Variants in EXOC4 observed in about 807,000 individuals in gnomAD.
The protein encoded by EXOC4 is exocyst complex component 4.
In EXOC4, 71 loss-of-function variants were observed where a neutral mutation model predicts 107.2. The observed-to-expected ratio is 0.66, with a 90% CI of 0.55 to 0.81. The LOEUF (loss-of-function observed/expected upper bound fraction) is 0.81. EXOC4 is among the 30% of genes least tolerant of loss of function. The pLI is 0.00. For synonymous variants in EXOC4, 456 were observed against 441.2 expected, an observed-to-expected ratio of 1.03 and a Z score of -0.42; for missense variants, 1,108 against 1,189.6, an observed-to-expected ratio of 0.93 and a Z score of 1.01.
At chr7:134,098,031 A>C in the EXOC4 span, among the ~76,000 whole-genome samples, 68 of 152,308 alleles carry the variant, frequency 4.5e-4, no homozygotes, top group Admixed American at 3.2e-3. Flanking sequence ...ACACATCCCA[A>C]GCACTGTCAC....
At chr7:133,747,126 G>A (rs888997575) in intron 10 of EXOC4, among the ~76,000 whole-genome samples, 23 of 152,112 alleles carry the variant, frequency 1.5e-4, no homozygotes, top group East Asian at 9.6e-4. Flanking sequence ...TTGAAGTGAC[G>A]TAATTAGATG....
At chr7:134,099,657 T>C in the EXOC4 span, among the ~76,000 whole-genome samples, 25,267 of 149,188 alleles carry the variant, frequency 0.17, 4,759 homozygotes, top group African/African-American at 0.47. Context: ...CAGCCTCCCA[T>C]GTAGCTGGGA....
chr7:133,327,886 T>C (rs575907543), intron 5 of EXOC4, among the ~76,000 whole-genome samples: 64 of 152,294 alleles, frequency 4.2e-4, no homozygotes, highest in Non-Finnish European at 7.1e-4. Context: ...ATAAGTGCTA[T>C]GAGGTGCTGA....
intron 17 of EXOC4, among the ~76,000 whole-genome samples, chr7:134,059,003 C>T (rs1334875312): frequency 2.6e-5 from 4 of 152,218 alleles, no homozygotes; most frequent in South Asian, 2.1e-4. Context: ...CAGCATGAGA[C>T]GTAGCTGTAT....
At chr7:133,665,888 G>A (rs551520438) in intron 10 of EXOC4, among the ~76,000 whole-genome samples, 1 of 152,178 alleles carries the variant, frequency 6.6e-6, no homozygotes, top group East Asian at 1.9e-4. Context: ...TACAATTTTA[G>A]CCTAAGAACA....
At chr7:134,055,754 C>T (rs1467101323) in intron 17 of EXOC4, among the ~76,000 whole-genome samples, 1 of 152,168 alleles carries the variant, frequency 6.6e-6, no homozygotes, top group African/African-American at 2.4e-5. Context: ...ACTGCCAAGC[C>T]CTAGTTTTGC....
intron 9 of EXOC4, among the ~76,000 whole-genome samples, chr7:133,548,885 T>C (rs1332895956): frequency 6.6e-6 from 1 of 152,236 alleles, no homozygotes; most frequent in Non-Finnish European, 1.5e-5. Context: ...CACTTGTAAT[T>C]TCCTTCAAGA....
At chr7:133,791,285 A>G (rs1310847942) in intron 10 of EXOC4, among the ~76,000 whole-genome samples, 1 of 152,220 alleles carries the variant, frequency 6.6e-6, no homozygotes, top group Non-Finnish European at 1.5e-5. Context: ...GAATGCATGC[A>G]TGATATGGCC....
chr7:133,541,736 G>C (rs1800384438), intron 9 of EXOC4, among the ~76,000 whole-genome samples: 1 of 152,002 alleles, frequency 6.6e-6, no homozygotes, highest in East Asian at 1.9e-4. Flanking sequence ...CAACTCCTGG[G>C]CTCAAGTATA....
At chr7:133,813,158 G>T (rs1004325151) in intron 10 of EXOC4, among the ~76,000 whole-genome samples, 3 of 152,078 alleles carry the variant, frequency 2.0e-5, no homozygotes, top group Non-Finnish European at 4.4e-5. Flanking sequence ...GAATTTGAAA[G>T]AAATCACTCA....
chr7:133,268,135 A>G (rs1225371548), intron 1 of EXOC4, among the ~76,000 whole-genome samples: 1 of 152,180 alleles, frequency 6.6e-6, no homozygotes, highest in African/African-American at 2.4e-5. Flanking sequence ...CAAGGCGGGT[A>G]TTCTTATTGT....
At chr7:133,678,102 A>G (rs957900502) in intron 10 of EXOC4, among the ~76,000 whole-genome samples, 1 of 152,226 alleles carries the variant, frequency 6.6e-6, no homozygotes, top group Non-Finnish European at 1.5e-5. Context: ...AAAAAGAATA[A>G]CCTAAAGTAT....
chr7:133,584,742 C>A (rs1171070520), intron 9 of EXOC4, among the ~76,000 whole-genome samples: 1 of 151,872 alleles, frequency 6.6e-6, no homozygotes, highest in African/African-American at 2.4e-5. Flanking sequence ...TCACACCCAG[C>A]TAATTTTTGT....
rs554815511 is a variant in EXOC4, at chr7:133,631,913, G to T, written c.1514+1772G>T. On this transcript the variant is annotated intron_variant, in intron 10 of 17. Coordinates refer to ENST00000253861, the MANE Select transcript of EXOC4 (RefSeq NM_021807.4). Reference sequence around the variant, plus strand: ...TAACCTAGATTTAATGCCATAATTTGCTGCTAAGTTGGAACTCTTGTGCTT... The same window carrying T: ...TAACCTAGATTTAATGCCATAATTTTCTGCTAAGTTGGAACTCTTGTGCTT... Among the ~76,000 whole-genome samples the T allele has an allele frequency of 1.4e-4, 22 of 152,126 alleles. No homozygotes were observed. The South Asian group carries it at 4.4e-3, about 30-fold the overall frequency.
chr7:134,025,625 G>A (rs914114929), intron 17 of EXOC4, among the ~76,000 whole-genome samples: 1 of 152,212 alleles, frequency 6.6e-6, no homozygotes, highest in Non-Finnish European at 1.5e-5. Flanking sequence ...ACAACTGGAA[G>A]CCTGGACTCA....
intron 10 of EXOC4, among the ~76,000 whole-genome samples, chr7:133,796,218 G>T (rs1352454985): frequency 6.6e-6 from 1 of 152,132 alleles, no homozygotes; most frequent in African/African-American, 2.4e-5. Context: ...AATAAGCTCA[G>T]ATCAGATGAA....
At chr7:133,503,837 A>G (rs1799619644) in intron 9 of EXOC4, among the ~76,000 whole-genome samples, 1 of 152,032 alleles carries the variant, frequency 6.6e-6, no homozygotes, top group Admixed American at 6.6e-5. Flanking sequence ...GGGGGAGGGT[A>G]CGTGGGTAGC....
At chr7:133,755,244 ATATATATAT>A (rs1184160765) in intron 10 of EXOC4, among the ~76,000 whole-genome samples, 13 of 82,314 alleles carry the variant, frequency 1.6e-4, no homozygotes, top group African/African-American at 6.3e-4. Context: ...AATATATATA[ATATATATAT>A]TATATATATA....
chr7:133,333,077 C>A (rs1795431881), intron 5 of EXOC4, among the ~76,000 whole-genome samples: 1 of 152,150 alleles, frequency 6.6e-6, no homozygotes, highest in Admixed American at 6.5e-5. Context: ...TTGGCCAAAT[C>A]ATGATTTTCT....
Sources: allele counts gnomAD v4.1 joint callset (sites outside exome capture counted in the v4.1 genomes callset), GRCh38; gene constraint gnomAD v4.1.1; transcripts MANE v1.5; gene names NCBI Gene and HGNC (gene_info 2026-07-23, HGNC 2026-07-21).